Variants in GRID2IP observed in about 807,000 individuals in gnomAD.
GRID2IP encodes delphilin.
In GRID2IP, 78 loss-of-function variants were observed where a neutral mutation model predicts 114.3. That is an observed-to-expected ratio of 0.68 (90% confidence interval 0.57 to 0.82). The LOEUF (loss-of-function observed/expected upper bound fraction) is 0.82. Ranked by LOEUF, GRID2IP falls within the 40% of genes least tolerant of loss-of-function variation. The probability of loss-of-function intolerance (pLI) is 0.00; values close to 1 mark genes in which losing one functional copy is unlikely to be tolerated. For synonymous variants in GRID2IP, 809 were observed against 724.0 expected (o/e 1.12, Z -1.89); for missense variants, 1,727 against 1,678.5 (o/e 1.03, Z -0.51).
chr7:6,508,815 G>T lies in GRID2IP; in HGVS notation c.2127+143C>A. ...TAGGGTAACCTGGGGCAAGGGGTGGGATAGCTTGAGCTAGGGAGTGGGATA... is the reference window on the plus strand; with the variant it reads ...TAGGGTAACCTGGGGCAAGGGGTGGTATAGCTTGAGCTAGGGAGTGGGATA... On this transcript the variant is annotated intron_variant, in intron 12 of 21. Transcript: ENST00000457091. This position sits in a 1 kb window ranked among gnomAD's most constrained non-coding sequence, Gnocchi z 5.6. The T allele has an allele frequency of 7.6e-7, 1 of 1,312,542 alleles. No individual in the cohort carries two copies. The highest frequency in any genetic ancestry group is 1.0e-6 in the Non-Finnish European group (1 of 985,262). 81.3% of individuals were successfully genotyped at this position (1,312,542 alleles called of 1,614,324 possible).
rs917611219 is a variant in GRID2IP at position 6,519,165 on chromosome 7, C to T, written c.1268+1413G>A. Reference sequence around the variant, plus strand: ...CTCCTGGGCTCAAGCGATCCTCCTGCCTCAGCCTCCCAAAGTGCTGGGATT... The same window carrying T: ...CTCCTGGGCTCAAGCGATCCTCCTGTCTCAGCCTCCCAAAGTGCTGGGATT... On this transcript the variant is annotated intron_variant, in intron 7 of 21. Coordinates refer to ENST00000457091, the MANE Select transcript of GRID2IP (RefSeq NM_001145118.2). This position sits in a 1 kb window ranked among gnomAD's most constrained non-coding sequence, Gnocchi z 4.1. Among the ~76,000 whole-genome samples the T allele has an allele frequency of 3.3e-5, 5 of 152,142 alleles. No individual in the cohort carries two copies. Among genetic ancestry groups the T allele is most frequent in the African/African-American group, 1.2e-4 (5 of 41,440 alleles).
intron 8 of GRID2IP, among the ~76,000 whole-genome samples, chr7:6,512,248 T>TTTC (rs1243925277): frequency 6.9e-6 from 1 of 145,286 alleles, no homozygotes; most frequent in East Asian, 2.0e-4. Flanking sequence ...TTTTTTTTTT[T>TTTC]TGTGACAGGT....
rs560936681 is a variant in GRID2IP, at chr7:6,507,414, A to G, written c.2544+571T>C. On this transcript the variant is annotated intron_variant, in intron 13 of 21. Transcript: ENST00000457091. The surrounding 1 kb of genome is among the most constrained non-coding windows in gnomAD (Gnocchi z 5.3). ...AAAAGGGGTGGGGTGAACCTTGTTC[A>G]TCTTGCAGATTGGTTGGTCTGTGGA... Among the ~76,000 whole-genome samples, 47 of 151,654 alleles carry G rather than the reference A, an allele frequency of 3.1e-4. No individual in the cohort carries two copies. Among genetic ancestry groups the G allele is most frequent in the African/African-American group, 1.0e-3 (43 of 41,384 alleles).
intron 1 of GRID2IP, among the ~76,000 whole-genome samples, chr7:6,543,291 G>C (rs1277067110): frequency 6.6e-6 from 1 of 152,028 alleles, no homozygotes; most frequent in East Asian, 1.9e-4. Flanking sequence ...CAGTTACTCG[G>C]GAGGCTGAGG....
intron 14 of GRID2IP, 125 bp downstream of exon 14, chr7:6,505,695 G>T: frequency 1.5e-6 from 1 of 659,100 alleles, no homozygotes; most frequent in South Asian, 1.8e-5. Flanking sequence ...AATAACTCAG[G>T]GACTGAAGGC....
intron 1 of GRID2IP, among the ~76,000 whole-genome samples, chr7:6,549,015 G>A (rs1238075710): frequency 1.3e-5 from 2 of 152,058 alleles, no homozygotes; most frequent in Non-Finnish European, 2.9e-5. Flanking sequence ...TTCCATTCAA[G>A]TATTAGTGAA....
rs1786301297 is a variant in GRID2IP, at chr7:6,497,901, C to T, written c.3565-56G>A. The T allele has an allele frequency of 7.6e-5, 111 of 1,462,982 alleles. 3 individuals are homozygous for T. The South Asian group carries it at 1.3e-3, about 17-fold the overall frequency. The allele number at this position is 1,462,982 out of a possible 1,614,324, so 90.6% of individuals were successfully genotyped here. On this transcript the variant is annotated intron_variant, in intron 21 of 21. Transcript: ENST00000457091. ...TCAGTGGTCCCAGGAACCTGTGACG[C>T]CTTCCCTGTCTCTTCCCACACTAGA...
At chr7:6,529,961 C>CTTT (rs71008398) in intron 2 of GRID2IP, among the ~76,000 whole-genome samples, 71 of 111,792 alleles carry the variant, frequency 6.4e-4, no homozygotes, top group African/African-American at 2.4e-3. Context: ...CTCTCTCTCT[C>CTTT]TTTTTTTTTT....
Position 6,520,887 on chromosome 7 carries a change from G to C in GRID2IP, c.1085-126C>G. ...TGTGGCTGTCCAGTGCCATGCATGGGAAGGCATGCCTGTGGCCCGACACCG... is the reference window on the plus strand; with the variant it reads ...TGTGGCTGTCCAGTGCCATGCATGGCAAGGCATGCCTGTGGCCCGACACCG... On this transcript the variant is annotated intron_variant, in intron 6 of 21. Coordinates refer to ENST00000457091, the MANE Select transcript of GRID2IP (RefSeq NM_001145118.2). The surrounding 1 kb of genome is among the most constrained non-coding windows in gnomAD (Gnocchi z 4.6). 1.1e-6 allele frequency: 1 copy of C among 905,082 alleles called. No homozygotes were observed. The highest frequency in any genetic ancestry group is 1.7e-6 in the Non-Finnish European group (1 of 604,800). The allele number at this position is 905,082 out of a possible 1,614,324, so 56.1% of individuals were successfully genotyped here.
At chr7:6,538,643 C>T (rs557222478) in intron 2 of GRID2IP, among the ~76,000 whole-genome samples, 4 of 151,640 alleles carry the variant, frequency 2.6e-5, no homozygotes, top group Non-Finnish European at 5.9e-5. Flanking sequence ...TTTGGGAGGC[C>T]GAGGTGGGTG....
chr7:6,512,248 T>C lies in GRID2IP; in HGVS notation c.1424-1209A>G, dbSNP rs573205373. On this transcript the variant is annotated intron_variant, in intron 8 of 21. Coordinates refer to ENST00000457091, the MANE Select transcript of GRID2IP (RefSeq NM_001145118.2). ...CTTTTCTTCTTTTTTTTTTTTTTTTTTGTGACAGGTCTCACTCTGTCCCCC... is the reference window on the plus strand; with the variant it reads ...CTTTTCTTCTTTTTTTTTTTTTTTTCTGTGACAGGTCTCACTCTGTCCCCC... Among the ~76,000 whole-genome samples, 77 of 145,398 alleles carry C rather than the reference T, an allele frequency of 5.3e-4. 1 individual carries two copies. The South Asian group carries it at 0.016, about 30-fold the overall frequency.
In GRID2IP at chr7:6,520,830, C is replaced by G. The variant is rs1779397843; in HGVS notation, c.1085-69G>C. On this transcript the variant is annotated intron_variant, in intron 6 of 21. Coordinates refer to ENST00000457091, the MANE Select transcript of GRID2IP (RefSeq NM_001145118.2). This position sits in a 1 kb window ranked among gnomAD's most constrained non-coding sequence, Gnocchi z 4.6. ...CCCAGGCCAGGTGTAGTCTCCCTGG[C>G]TTTTGAGGTCAGGAGACCTCCTGAG... 6.9e-7 allele frequency: 1 copy of G among 1,445,418 alleles called. No individual in the cohort carries two copies. Among genetic ancestry groups the G allele is most frequent in the Non-Finnish European group, 9.3e-7 (1 of 1,070,706 alleles). The allele number at this position is 1,445,418 out of a possible 1,614,324, so 89.5% of individuals were successfully genotyped here. A position where few individuals can be genotyped will look rare whatever the true frequency, so the allele number is the denominator to read the frequency against.
intron 15 of GRID2IP, 89 bp from the exon 16 acceptor site, chr7:6,503,776 G>C: frequency 1.0e-6 from 1 of 987,512 alleles, no homozygotes; most frequent in Non-Finnish European, 1.4e-6. Flanking sequence ...GAGGCGGGGA[G>C]AGGGCGGACA....
intron 16 of GRID2IP, 124 bp downstream of exon 16, chr7:6,503,367 G>T: frequency 9.3e-7 from 1 of 1,076,874 alleles, no homozygotes; most frequent in Non-Finnish European, 1.3e-6. Flanking sequence ...GTGTTAAACT[G>T]GGACTCAGAG....
chr7:6,548,585 C>G (rs1779921054), intron 1 of GRID2IP, among the ~76,000 whole-genome samples: 1 of 151,962 alleles, frequency 6.6e-6, no homozygotes, highest in East Asian at 1.9e-4. Context: ...CGCCTGTAAT[C>G]CCAGCACTCT....
rs544910190 is a variant in GRID2IP, at chr7:6,506,687, T to G, written c.2545-780A>C. On this transcript the variant is annotated intron_variant, in intron 13 of 21. Coordinates refer to ENST00000457091, the MANE Select transcript of GRID2IP (RefSeq NM_001145118.2). The surrounding 1 kb of genome is among the most constrained non-coding windows in gnomAD (Gnocchi z 5.2). ...GCCCTTGTCTCACTGAGGTATTTTT[T>G]TTTTTTTTTTTTTAGATAGGGTCTC... Among the ~76,000 whole-genome samples, 153 of 148,114 alleles carry G rather than the reference T, an allele frequency of 1.0e-3. No individual in the cohort carries two copies. Among genetic ancestry groups the G allele is most frequent in the African/African-American group, 3.5e-3 (143 of 40,378 alleles).
At chr7:6,518,041 C>A (rs1779344264) in intron 7 of GRID2IP, among the ~76,000 whole-genome samples, 1 of 150,780 alleles carries the variant, frequency 6.6e-6, no homozygotes, top group South Asian at 2.1e-4. Flanking sequence ...AGACCAGCAA[C>A]ATGGCAAAAC....
In GRID2IP at chr7:6,514,416, T is replaced by C. The variant is rs117841999; in HGVS notation, c.1382A>G (p.Gln461Arg). 1.1e-3 allele frequency: 1,767 copies of C among 1,546,968 alleles called. 27 individuals carry two copies. In the East Asian group the frequency reaches 0.033, roughly 29 times the overall value. ...LLTYEEQELC[Q>R]EKIACFLGYT... ...GCCCAGGAAGCATGCGATTTTCTCC[T>C]GACAGAGCTCCTGCTCCTCATAGGT... Residue 461 changes from glutamine to arginine, a missense_variant, in exon 8 of 22, where the codon CAG becomes CGG. Physicochemically the swap from Gln to Arg is conservative, Grantham distance 43. Coordinates refer to ENST00000457091, the MANE Select transcript of GRID2IP (RefSeq NM_001145118.2).
At position 6,509,330 on chromosome 7, in the gene GRID2IP, G is replaced by A. The variant is rs1291683394; in HGVS notation, c.1772-17C>T. 6.1e-6 allele frequency: 9 copies of A among 1,477,180 alleles called. No individual in the cohort carries two copies. Among genetic ancestry groups the A allele is most frequent in the Non-Finnish European group, 8.1e-6 (9 of 1,111,698 alleles). 91.5% of individuals were successfully genotyped at this position (1,477,180 alleles called of 1,614,324 possible). On this transcript the variant is annotated splice_polypyrimidine_tract_variant and intron_variant, in intron 11 of 21. Transcript: ENST00000457091. The surrounding 1 kb of genome is among the most constrained non-coding windows in gnomAD (Gnocchi z 4.9). Reference sequence around the variant, plus strand: ...TCCTGGGCCCTGGAGGAGGGATGGAGTATGAGGATTCCTCTTCAGCCAGCA... The same window carrying A: ...TCCTGGGCCCTGGAGGAGGGATGGAATATGAGGATTCCTCTTCAGCCAGCA...
Sources: gnomAD v4.1 joint callset for allele counts (sites outside exome capture counted in the v4.1 genomes callset) on GRCh38, gnomAD v4.1.1 for gene constraint, Gnocchi (gnomAD v3.1) non-coding constraint, MANE v1.5 for transcripts, NCBI Gene and HGNC (gene_info 2026-07-23, HGNC 2026-07-21) for gene names.